The following ZNF512 variants were observed in gnomAD, a reference collection of about 807,000 sequenced individuals.
ZNF512 encodes the protein zinc finger protein 512.
A neutral mutation model predicts 77.5 loss-of-function variants in ZNF512; 25 were observed. The observed-to-expected ratio is 0.32, with a 90% CI of 0.23 to 0.45. ZNF512 has a LOEUF of 0.45. Ranked by LOEUF, ZNF512 falls within the 20% of genes least tolerant of loss-of-function variation. The pLI, the probability that ZNF512 is intolerant of heterozygous loss-of-function variation, is 1.00. For missense variants in ZNF512, 483 were observed against 692.6 expected (o/e 0.70, Z 3.40); for synonymous variants, 246 against 239.9 (o/e 1.03, Z -0.24).
intron 13 of ZNF512, among the ~76,000 whole-genome samples, chr2:27,620,139 A>G (rs1223444745): frequency 1.3e-5 from 2 of 152,194 alleles, no homozygotes; most frequent in Non-Finnish European, 2.9e-5. Context: ...ATTAATGTTA[A>G]TAATTATTAA....
In ZNF512 at chr2:27,617,578, T is replaced by A. The variant is rs1246789557; in HGVS notation, c.1395+7T>A. 9.4e-7 allele frequency: 1 copy of A among 1,059,932 alleles called. No individual in the cohort carries two copies. The highest frequency in any genetic ancestry group is 2.4e-5 in the East Asian group (1 of 42,452). 65.7% of individuals were successfully genotyped at this position (1,059,932 alleles called of 1,614,324 possible). ...CAACTCCGTCCATGCTGAGGTGAGG[T>A]TTTTGTAATCCTGTGGGCCTGATAT... is the stretch of plus-strand genomic sequence containing the variant. On this transcript the variant is annotated splice_region_variant and intron_variant, in intron 13 of 13. Transcript: ENST00000355467.
chr2:27,614,476 C>T (rs1321625711), intron 10 of ZNF512, among the ~76,000 whole-genome samples: 1 of 151,822 alleles, frequency 6.6e-6, no homozygotes, highest in Admixed American at 6.6e-5. Context: ...CCAAAATTAC[C>T]ATGTTATAAT....
chr2:27,610,569 T>TATATATATACATA (rs70953871), intron 10 of ZNF512, among the ~76,000 whole-genome samples: 8 of 15,802 alleles, frequency 5.1e-4, no homozygotes, highest in African/African-American at 1.8e-3. Context: ...TATATATATA[T>TATATATATACATA]TTTTTTTTTT....
intron 13 of ZNF512, among the ~76,000 whole-genome samples, chr2:27,619,179 G>T (rs1258951912): frequency 2.6e-5 from 4 of 152,178 alleles, no homozygotes; most frequent in Admixed American, 2.6e-4. Flanking sequence ...GGAGGCCGAG[G>T]CGGGCAGATC....
At chr2:27,603,607 T>TC (rs70953870) in intron 9 of ZNF512, among the ~76,000 whole-genome samples, 1 of 146,702 alleles carries the variant, frequency 6.8e-6, no homozygotes, top group Non-Finnish European at 1.5e-5. Context: ...TTTTTTTTTT[T>TC]CTTCAAGAGA....
chr2:27,615,757 G>T (rs1300985009), intron 11 of ZNF512, among the ~76,000 whole-genome samples: 1 of 152,140 alleles, frequency 6.6e-6, no homozygotes, highest in Non-Finnish European at 1.5e-5. Flanking sequence ...TCACAGGAAG[G>T]GTAAATAGAC....
chr2:27,610,569 T>TATATATATG (rs70953871), intron 10 of ZNF512, among the ~76,000 whole-genome samples: 1 of 15,812 alleles, frequency 6.3e-5, no homozygotes, highest in Non-Finnish European at 1.1e-4. Flanking sequence ...TATATATATA[T>TATATATATG]TTTTTTTTTT....
At chr2:27,598,287 G>A (rs769256436) in intron 3 of ZNF512, 33 bp downstream of exon 3, 34 of 1,574,268 alleles carry the variant, frequency 2.2e-5, no homozygotes, top group Non-Finnish European at 2.9e-5. Context: ...CTGAAGACGG[G>A]CCACTTCCTA....
chr2:27,616,703 T>G (rs141947666), intron 12 of ZNF512, among the ~76,000 whole-genome samples: 1 of 152,350 alleles, frequency 6.6e-6, no homozygotes, highest in African/African-American at 2.4e-5. Flanking sequence ...CTTACCTGGA[T>G]TGGTAAAGAT....
At chr2:27,595,494 C>A (rs1231886701) in intron 2 of ZNF512, among the ~76,000 whole-genome samples, 2 of 151,736 alleles carry the variant, frequency 1.3e-5, no homozygotes, top group Non-Finnish European at 2.9e-5. Context: ...CTGGCTAATT[C>A]TTTTGTATTT....
At chr2:27,589,213 G>A (rs765200160) in intron 2 of ZNF512, among the ~76,000 whole-genome samples, 1 of 152,048 alleles carries the variant, frequency 6.6e-6, no homozygotes, top group Non-Finnish European at 1.5e-5. Context: ...TATTGCAATG[G>A]CATTCAGCAG....
Position 27,598,069 on chromosome 2 carries a change from G to A in ZNF512, c.92G>A (p.Ser31Asn). ...TATATATTTTTATGTTGTATTAGTA[G>A]CAGGACCCAGTGCTCCATAAAGGAT... ...RSTRIVGAKNSRTQCSIKDNS... is the reference protein window; with the variant it reads ...RSTRIVGAKNNRTQCSIKDNS... Residue 31 changes from serine to asparagine, a missense_variant and splice_region_variant, in exon 3 of 14, where the codon AGC (serine) becomes AAC (asparagine). Ser to Asn is a conservative substitution (Grantham distance 46). This residue lies in a region of ZNF512 where 159 missense variants were observed against 167.5 expected (regional missense o/e 0.95). Coordinates refer to ENST00000355467, the MANE Select transcript of ZNF512 (RefSeq NM_032434.4). 1 of 1,557,924 alleles carries A rather than the reference G, an allele frequency of 6.4e-7. No homozygotes were observed.
intron 2 of ZNF512, among the ~76,000 whole-genome samples, chr2:27,588,760 G>A (rs1209555189): frequency 2.6e-5 from 4 of 152,030 alleles, no homozygotes; most frequent in Admixed American, 6.6e-5. Context: ...AAAGAAGCTT[G>A]CTGAGTATTG....
intron 12 of ZNF512, among the ~76,000 whole-genome samples, chr2:27,616,556 T>C (rs1018353488): frequency 3.9e-5 from 6 of 152,324 alleles, no homozygotes; most frequent in Middle Eastern, 3.4e-3. Flanking sequence ...TTTAAAGGAA[T>C]TGGAAGAAAC....
chr2:27,615,206 G>A lies in ZNF512; in HGVS notation c.1170G>A (p.Gln390=). The change falls in exon 11 of 14, where the codon CAG becomes CAA. Residue 390 remains glutamine, a synonymous_variant. Transcript: ENST00000355467. ...YTRPGLPTFS[Q]EVLHKWKTDI... ...GTCCAGGGCTCCCTACCTTCAGCCA[G>A]GAAGTACTACATAAATGGAAGACAG... 1 of 1,607,138 alleles carries A rather than the reference G, an allele frequency of 6.2e-7. No individual in the cohort carries two copies. The highest frequency in any genetic ancestry group is 8.5e-7 in the Non-Finnish European group (1 of 1,176,626).
chr2:27,589,222 A>G (rs533515363), intron 2 of ZNF512, among the ~76,000 whole-genome samples: 67 of 152,324 alleles, frequency 4.4e-4, no homozygotes, highest in African/African-American at 1.6e-3. Flanking sequence ...GGCATTCAGC[A>G]GTGAAACTAC....
chr2:27,609,124 GGAAAA>G (rs1180447662), intron 10 of ZNF512, among the ~76,000 whole-genome samples: 11 of 149,696 alleles, frequency 7.3e-5, no homozygotes, highest in Admixed American at 2.0e-4. Context: ...AAAAAAAAAA[GGAAAA>G]GAAAAGAAAA....
intron 10 of ZNF512, among the ~76,000 whole-genome samples, chr2:27,614,500 G>A (rs1672797299): frequency 6.6e-6 from 1 of 151,950 alleles, no homozygotes; most frequent in African/African-American, 2.4e-5. Context: ...AGAAAAATTA[G>A]AAATGCAGAT....
chr2:27,610,231 G>C (rs1264500272), intron 10 of ZNF512, among the ~76,000 whole-genome samples: 41 of 147,534 alleles, frequency 2.8e-4, no homozygotes, highest in Admixed American at 2.8e-3. Flanking sequence ...GGGCATGGTG[G>C]TGCTTGCCTG....
Sources: gnomAD v4.1 joint callset for allele counts (sites outside exome capture counted in the v4.1 genomes callset) on GRCh38, gnomAD v4.1.1 for gene constraint, gnomAD v4.1.1 regional missense constraint, MANE v1.5 for transcripts, NCBI Gene and HGNC (gene_info 2026-07-23, HGNC 2026-07-21) for gene names.